The following FANCC variants were observed in gnomAD, a reference collection of about 807,000 sequenced individuals.
FANCC encodes Fanconi anemia group C protein.
A neutral mutation model predicts 71.3 loss-of-function variants in FANCC; 55 were observed. That is an observed-to-expected ratio of 0.77 (90% CI 0.62 to 0.97). FANCC has a LOEUF of 0.97. Ranked by LOEUF, FANCC falls within the 50% of genes least tolerant of loss-of-function variation. The pLI is 0.00. For missense variants in FANCC, 678 were observed against 670.9 expected, an observed-to-expected ratio of 1.01 and a Z score of -0.12; for synonymous variants, 275 against 244.9, an observed-to-expected ratio of 1.12 and a Z score of -1.15.
intron 1 of FANCC, among the ~76,000 whole-genome samples, chr9:95,299,375 ACT>A (rs1564839487): frequency 6.6e-6 from 1 of 152,164 alleles, no homozygotes. Context: ...ACTAACAGTG[ACT>A]CTATTGCTAG....
intron 1 of FANCC, among the ~76,000 whole-genome samples, chr9:95,250,836 T>C (rs866280428): frequency 1.3e-5 from 2 of 152,378 alleles, no homozygotes; most frequent in East Asian, 1.9e-4. Flanking sequence ...TCATTCTCTA[T>C]GCAGTAGACA....
At chr9:95,195,196 C>CAAAAA (rs34771312) in intron 4 of FANCC, among the ~76,000 whole-genome samples, 9 of 42,602 alleles carry the variant, frequency 2.1e-4, no homozygotes, top group African/African-American at 2.2e-4. Context: ...GACTCCGTCT[C>CAAAAA]AAAAAAAAAA....
chr9:95,237,684 A>T (rs1302433337), intron 4 of FANCC, among the ~76,000 whole-genome samples: 1 of 152,258 alleles, frequency 6.6e-6, no homozygotes, highest in African/African-American at 2.4e-5. Context: ...CAACTTGGGT[A>T]TGTGAATCTA....
intron 1 of FANCC, among the ~76,000 whole-genome samples, chr9:95,302,247 T>A (rs356664): frequency 6.6e-6 from 1 of 151,920 alleles, no homozygotes; most frequent in Non-Finnish European, 1.5e-5. Flanking sequence ...ACAGAAGGGG[T>A]CACTGGCCAA....
intron 4 of FANCC, among the ~76,000 whole-genome samples, chr9:95,175,630 A>C (rs1825967740): frequency 6.6e-6 from 1 of 152,234 alleles, no homozygotes; most frequent in Non-Finnish European, 1.5e-5. Flanking sequence ...CAGGGAGCTC[A>C]GGTACAAGCC....
At chr9:95,304,749 C>CAAAA (rs35105777) in intron 1 of FANCC, among the ~76,000 whole-genome samples, 3 of 44,480 alleles carry the variant, frequency 6.7e-5, no homozygotes, top group African/African-American at 7.4e-5. Flanking sequence ...GACTCTATCT[C>CAAAA]AAAAAAAAAA....
At chr9:95,309,154 T>C (rs1427054321) in intron 1 of FANCC, among the ~76,000 whole-genome samples, 1 of 152,226 alleles carries the variant, frequency 6.6e-6, no homozygotes, top group Non-Finnish European at 1.5e-5. Context: ...TCACCACTTA[T>C]CAAAATACTT....
At chr9:95,233,904 T>C (rs1830148186) in intron 4 of FANCC, among the ~76,000 whole-genome samples, 1 of 152,134 alleles carries the variant, frequency 6.6e-6, no homozygotes, top group Non-Finnish European at 1.5e-5. Flanking sequence ...GTAGTCCAAG[T>C]GGGACCCTGA....
At chr9:95,155,249 G>GGGGAA (rs1830391870) in intron 6 of FANCC, among the ~76,000 whole-genome samples, 1 of 55,450 alleles carries the variant, frequency 1.8e-5, no homozygotes. Flanking sequence ...AGAGAGGGGA[G>GGGGAA]GGGAGGGGAG....
chr9:95,125,174 A>G lies in FANCC; in HGVS notation c.908T>C (p.Leu303Pro). ...VVDEMFRCALLETDGALEIIA... is the reference protein window; with the variant it reads ...VVDEMFRCALPETDGALEIIA... The stretch of plus-strand genomic sequence containing the variant: ...GATTTCCAGGGCCCCATCGGTTTCC[A>G]GGAGTGCACACCTGAACAATGCAAA... Residue 303 changes from leucine (L) to proline (P), a missense_variant, in exon 10 of 15, where the codon CTG becomes CCG. Physicochemically the swap from Leu to Pro is moderately conservative, Grantham distance 98 (BLOSUM62 -3). Coordinates refer to ENST00000289081, the MANE Select transcript of FANCC (RefSeq NM_000136.3). The G allele has an allele frequency of 6.2e-7, 1 of 1,614,068 alleles. No homozygotes were observed. Among genetic ancestry groups the G allele is most frequent in the Non-Finnish European group, 8.5e-7 (1 of 1,179,890 alleles).
chr9:95,216,532 A>T (rs1828873617), intron 4 of FANCC, among the ~76,000 whole-genome samples: 1 of 152,234 alleles, frequency 6.6e-6, no homozygotes, highest in African/African-American at 2.4e-5. Context: ...CTATATTTTC[A>T]ATGATATTTG....
At position 95,100,144 on chromosome 9, in the gene FANCC, A is replaced by G. The variant is rs999293458; in HGVS notation, c.*1563T>C. 2.6e-5 allele frequency: 6 copies of G among 232,670 alleles called. No individual in the cohort carries two copies. Among genetic ancestry groups the G allele is most frequent in the African/African-American group, 1.3e-4 (6 of 45,320 alleles). The allele number at this position is 232,670 out of a possible 1,614,324, so 14.4% of individuals were successfully genotyped here. A position where few individuals can be genotyped will look rare whatever the true frequency, so the allele number is the denominator to read the frequency against. On this transcript the variant is annotated 3_prime_UTR_variant, in exon 15 of 15. Coordinates refer to ENST00000289081, the MANE Select transcript of FANCC (RefSeq NM_000136.3). ...AGCATGCAGCTCCTTTTTCAACCCC[A>G]ACACCTCTGACGAAGCATGTTTGTT...
At chr9:95,145,294 A>C (rs1829376167) in intron 7 of FANCC, 1 of 152,218 alleles carries the variant, frequency 6.6e-6, no homozygotes, top group Admixed American at 6.5e-5. Flanking sequence ...AAACATTGAA[A>C]ACACAAATAC....
intron 6 of FANCC, among the ~76,000 whole-genome samples, chr9:95,151,889 C>T (rs189374461): frequency 6.6e-6 from 1 of 151,210 alleles, no homozygotes; most frequent in African/African-American, 2.4e-5. Flanking sequence ...GTTCATACCA[C>T]TGCACTCCAG....
intron 6 of FANCC, among the ~76,000 whole-genome samples, chr9:95,162,341 T>A (rs1485522297): frequency 6.6e-6 from 1 of 152,216 alleles, no homozygotes; most frequent in African/African-American, 2.4e-5. Context: ...CCATATTTTC[T>A]TTATTCATTC....
chr9:95,126,669 A>G, intron 8 of FANCC, 88 bp from the exon 9 acceptor site: 1 of 1,353,286 alleles, frequency 7.4e-7, no homozygotes, highest in Admixed American at 1.7e-5. Flanking sequence ...GTTACTGGGA[A>G]CTGCTGATGT....
chr9:95,286,811 C>T (rs1176728990), intron 1 of FANCC, among the ~76,000 whole-genome samples: 11 of 152,074 alleles, frequency 7.2e-5, no homozygotes, highest in Admixed American at 3.3e-4. Context: ...GGCATGGTGG[C>T]GGGCACCTGC....
intron 7 of FANCC, among the ~76,000 whole-genome samples, chr9:95,149,482 A>ATT (rs59214891): frequency 6.8e-6 from 1 of 146,640 alleles, no homozygotes; most frequent in Non-Finnish European, 1.5e-5. Flanking sequence ...ATCCTCAGTA[A>ATT]TTTTTTTTTT....
chr9:95,280,253 T>C (rs561474874), intron 1 of FANCC, among the ~76,000 whole-genome samples: 8 of 152,178 alleles, frequency 5.3e-5, no homozygotes, highest in African/African-American at 1.9e-4. Context: ...ATTATAAACA[T>C]ACACAACTAA....
Sources: allele counts gnomAD v4.1 joint callset (sites outside exome capture counted in the v4.1 genomes callset), GRCh38; gene constraint gnomAD v4.1.1; transcripts MANE v1.5; gene names NCBI Gene and HGNC (gene_info 2026-07-23, HGNC 2026-07-21).